Variants in RALY observed in about 807,000 individuals in gnomAD.
The protein encoded by RALY is RALY heterogeneous nuclear ribonucleoprotein.
Under a neutral mutation model 30.7 loss-of-function variants are expected in RALY, and 15 were observed. That is an observed-to-expected ratio of 0.49 (90% confidence interval 0.33 to 0.75). The LOEUF is 0.75. Among genes scored for constraint, RALY ranks in the 30% least tolerant of loss-of-function variants. RALY has a pLI of 0.02. For synonymous variants in RALY, 177 were observed against 170.8 expected, an observed-to-expected ratio of 1.04 and a Z score of -0.28; for missense variants, 339 against 414.3, an observed-to-expected ratio of 0.82 and a Z score of 1.58.
intron 2 of RALY, among the ~76,000 whole-genome samples, chr20:34,055,865 T>C (rs966991606): frequency 2.0e-5 from 3 of 152,236 alleles, no homozygotes; most frequent in Admixed American, 2.0e-4. Context: ...CCATGGGCAC[T>C]ATTGGTGCTT....
At chr20:34,075,279 C>T (rs1167450705) in intron 5 of RALY, among the ~76,000 whole-genome samples, 3 of 152,060 alleles carry the variant, frequency 2.0e-5, no homozygotes, top group South Asian at 2.1e-4. Flanking sequence ...GTCATGGGTT[C>T]GTGAATTGAG....
chr20:34,025,239 C>A (rs2031974278), intron 1 of RALY, among the ~76,000 whole-genome samples: 1 of 151,932 alleles, frequency 6.6e-6, no homozygotes, highest in Non-Finnish European at 1.5e-5. Flanking sequence ...GCCTAGAGAA[C>A]GCAGCTTCCC....
Position 34,073,304 on chromosome 20 carries a change from G to T in RALY, c.257-259G>T, listed in dbSNP as rs148131188. Among the ~76,000 whole-genome samples, 29 of 152,110 alleles carry T rather than the reference G, an allele frequency of 1.9e-4. No individual in the cohort carries two copies. In the East Asian group the frequency reaches 4.8e-3, roughly 25 times the overall value. On this transcript the variant is annotated intron_variant, in intron 3 of 9. Coordinates refer to ENST00000246194, the MANE Select transcript of RALY (RefSeq NM_016732.3). ...TCGACGTGTGTGTGTGGTGGGGCGG[G>T]GGGGAGGACATGTTTATGAGCATGC...
intron 1 of RALY, among the ~76,000 whole-genome samples, chr20:34,000,440 A>G (rs2030862229): frequency 6.6e-6 from 1 of 152,218 alleles, no homozygotes; most frequent in Non-Finnish European, 1.5e-5. Flanking sequence ...CTTCGAACGA[A>G]TAAGTAGAAG....
chr20:34,077,495 G>T, intron 8 of RALY: 1 of 696,438 alleles, frequency 1.4e-6, no homozygotes, highest in South Asian at 1.9e-5. Context: ...TCTGGCCTCC[G>T]GTTTCCACAT....
chr20:34,058,221 C>G (rs192787296), intron 2 of RALY, among the ~76,000 whole-genome samples: 1 of 152,128 alleles, frequency 6.6e-6, no homozygotes, highest in Admixed American at 6.5e-5. Flanking sequence ...TGTGTTATAC[C>G]TGTCGTTTTG....
intron 2 of RALY, among the ~76,000 whole-genome samples, chr20:34,066,485 C>T (rs1367625622): frequency 1.3e-5 from 2 of 152,148 alleles, no homozygotes; most frequent in Admixed American, 1.3e-4. Context: ...AGCCCTCTTA[C>T]AGTTTCATGG....
intron 1 of RALY, among the ~76,000 whole-genome samples, chr20:34,024,725 C>T (rs779374821): frequency 1.3e-5 from 2 of 152,100 alleles, no homozygotes; most frequent in Non-Finnish European, 2.9e-5. Flanking sequence ...TTTACTGACC[C>T]ATTTTGTGTC....
chr20:34,014,333 A>G (rs2031527193), intron 1 of RALY, among the ~76,000 whole-genome samples: 1 of 152,204 alleles, frequency 6.6e-6, no homozygotes, highest in South Asian at 2.1e-4. Flanking sequence ...ATTTTAAAAT[A>G]TGGGAGTAGA....
chr20:34,033,929 G>A (rs2032378455), intron 2 of RALY, among the ~76,000 whole-genome samples: 2 of 152,112 alleles, frequency 1.3e-5, no homozygotes, highest in South Asian at 4.1e-4. Flanking sequence ...ATAAGGAAAG[G>A]GATTCCAGGG....
At chr20:34,004,708 A>G (rs1369025839) in intron 1 of RALY, among the ~76,000 whole-genome samples, 1 of 152,254 alleles carries the variant, frequency 6.6e-6, no homozygotes, top group East Asian at 1.9e-4. Context: ...TCATTTCAAG[A>G]AAGAAATTAA....
At chr20:34,039,829 T>C (rs935130112) in intron 2 of RALY, among the ~76,000 whole-genome samples, 51 of 152,148 alleles carry the variant, frequency 3.4e-4, no homozygotes, top group Admixed American at 3.3e-3. Flanking sequence ...AGTGCAATAA[T>C]GGGCTGGGCG....
At chr20:33,995,376 T>G (rs1476350416) in intron 1 of RALY, among the ~76,000 whole-genome samples, 1 of 152,226 alleles carries the variant, frequency 6.6e-6, no homozygotes, top group Non-Finnish European at 1.5e-5. Flanking sequence ...ACCTTGCAGG[T>G]TCTCTGTGTT....
intron 2 of RALY, among the ~76,000 whole-genome samples, chr20:34,046,110 A>G (rs955760462): frequency 3.9e-5 from 6 of 152,170 alleles, no homozygotes; most frequent in African/African-American, 1.4e-4. Flanking sequence ...TCTTTGAACT[A>G]CTACCCTCTG....
At chr20:33,996,710 C>T (rs1601388591) in intron 1 of RALY, among the ~76,000 whole-genome samples, 3 of 152,084 alleles carry the variant, frequency 2.0e-5, no homozygotes, top group South Asian at 2.1e-4. Flanking sequence ...TAAATACATT[C>T]GCATGGTTAT....
At chr20:34,009,582 C>T (rs748759216) in intron 1 of RALY, among the ~76,000 whole-genome samples, 12 of 152,106 alleles carry the variant, frequency 7.9e-5, no homozygotes, top group Non-Finnish European at 1.5e-4. Flanking sequence ...CTGGCTAGTC[C>T]ATGCTTTAGA....
chr20:34,046,713 A>G (rs1479958008), intron 2 of RALY, among the ~76,000 whole-genome samples: 1 of 151,474 alleles, frequency 6.6e-6, no homozygotes, highest in Non-Finnish European at 1.5e-5. Flanking sequence ...TGTTGTGTGT[A>G]GATAGAGGCC....
At chr20:33,995,705 T>C (rs553695257) in intron 1 of RALY, among the ~76,000 whole-genome samples, 2 of 152,284 alleles carry the variant, frequency 1.3e-5, no homozygotes, top group African/African-American at 2.4e-5. Context: ...GGTCTTACCA[T>C]CTGGTCCAAC....
At chr20:34,066,238 C>T (rs1006824002) in intron 2 of RALY, among the ~76,000 whole-genome samples, 5 of 150,290 alleles carry the variant, frequency 3.3e-5, no homozygotes, top group African/African-American at 1.2e-4. Flanking sequence ...CCTGTAATCC[C>T]AGCAGTTTGG....
Sources: allele counts gnomAD v4.1 joint callset (sites outside exome capture counted in the v4.1 genomes callset), GRCh38; gene constraint gnomAD v4.1.1; transcripts MANE v1.5; gene names NCBI Gene and HGNC (gene_info 2026-07-23, HGNC 2026-07-21).